SLC6A4: variants seen among roughly 807,000 people sequenced by gnomAD.
SLC6A4 encodes sodium-dependent serotonin transporter.
Under a neutral mutation model 73.4 loss-of-function variants are expected in SLC6A4, and 22 were observed. The observed-to-expected ratio is 0.30, with a 90% CI of 0.21 to 0.43. The LOEUF is 0.43. Among genes scored for constraint, SLC6A4 ranks in the 20% least tolerant of loss-of-function variants. The pLI is 1.00. For synonymous variants in SLC6A4, 270 were observed against 315.5 expected, an observed-to-expected ratio of 0.86 and a Z score of 1.53; for missense variants, 593 against 808.5, an observed-to-expected ratio of 0.73 and a Z score of 3.23.
chr17:30,218,018 G>A, intron 5 of SLC6A4, 100 bp downstream of exon 5: 2 of 852,608 alleles, frequency 2.3e-6, no homozygotes, highest in East Asian at 2.5e-5. Flanking sequence ...CTCTCAGAAA[G>A]GGGTGAGGAG....
intron 3 of SLC6A4, among the ~76,000 whole-genome samples, chr17:30,220,019 G>T (rs1192352353): frequency 2.0e-5 from 3 of 152,172 alleles, no homozygotes; most frequent in African/African-American, 7.2e-5. Flanking sequence ...CTTACATAAT[G>T]CCCAGGCTAA....
chr17:30,201,964 CGCTTGTAGTCCCA>C (rs1427545318), intron 14 of SLC6A4, among the ~76,000 whole-genome samples: 1 of 152,040 alleles, frequency 6.6e-6, no homozygotes, highest in East Asian at 1.9e-4. Context: ...TTTAGCCAGG[CGCTTGTAGTCCCA>C]GCTAGTCAGG....
intron 14 of SLC6A4, among the ~76,000 whole-genome samples, chr17:30,199,332 G>A (rs1189906064): frequency 6.6e-6 from 1 of 151,432 alleles, no homozygotes; most frequent in African/African-American, 2.4e-5. Context: ...AAAAAAAACA[G>A]CCACACTGCA....
intron 1 of SLC6A4, among the ~76,000 whole-genome samples, chr17:30,234,471 C>T (rs559948032): frequency 1.3e-5 from 2 of 152,170 alleles, no homozygotes; most frequent in African/African-American, 2.4e-5. Context: ...CCCCAGAGTG[C>T]GTGGCAGGAA....
chr17:30,216,566 C>T (rs768616434), intron 6 of SLC6A4, among the ~76,000 whole-genome samples: 3 of 150,862 alleles, frequency 2.0e-5, no homozygotes, highest in East Asian at 1.9e-4. Flanking sequence ...GTCATTGCCA[C>T]GATTATTAAT....
At chr17:30,218,967 A>G (rs560973052) in intron 3 of SLC6A4, 36 bp from the exon 4 acceptor site, 2 of 1,612,610 alleles carry the variant, frequency 1.2e-6, no homozygotes, top group East Asian at 4.5e-5. Flanking sequence ...CTCCCTGCCC[A>G]CGTCTGTCCC....
At chr17:30,201,774 CTG>C (rs1298105681) in intron 14 of SLC6A4, among the ~76,000 whole-genome samples, 4 of 152,130 alleles carry the variant, frequency 2.6e-5, no homozygotes, top group Non-Finnish European at 5.9e-5. Context: ...TACAGTTTTC[CTG>C]TTTCAAAAAA....
In SLC6A4 at chr17:30,221,901, C is replaced by T; in HGVS notation, c.58G>A (p.Asp20Asn). Residue 20 changes from aspartate (D) to asparagine (N), a missense_variant, in exon 3 of 15, where the codon GAT becomes AAT. Asp to Asn is a conservative substitution (Grantham distance 23). Transcript: ENST00000650711. ...TGTAGAACTCCGTTTTCCTGACAAT[C>T]TTCTCCATCTTCACACGCTGATAGC... ...KQLSACEDGE[D>N]CQENGVLQKV... 1.2e-6 allele frequency: 2 copies of T among 1,614,180 alleles called. No individual in the cohort carries two copies. The highest frequency in any genetic ancestry group is 1.7e-6 in the Non-Finnish European group (2 of 1,180,032).
At chr17:30,217,438 A>C in intron 5 of SLC6A4, 134 bp from the exon 6 acceptor site, 1 of 843,140 alleles carries the variant, frequency 1.2e-6, no homozygotes, top group Non-Finnish European at 1.8e-6. Flanking sequence ...ACTGAGGCCC[A>C]GGAAGAGCTG....
At chr17:30,213,049 G>A (rs1044480745) in intron 8 of SLC6A4, among the ~76,000 whole-genome samples, 182 bp from the exon 9 acceptor site, 8 of 152,182 alleles carry the variant, frequency 5.3e-5, no homozygotes, top group African/African-American at 1.4e-4. Context: ...CCCAGCTGCC[G>A]AGGCCTGAAG....
At chr17:30,204,139 T>C (rs2143013478) in intron 13 of SLC6A4, among the ~76,000 whole-genome samples, 1 of 152,372 alleles carries the variant, frequency 6.6e-6, no homozygotes, top group East Asian at 1.9e-4. Flanking sequence ...CAACACCCAG[T>C]TTATGAGTTT....
intron 1 of SLC6A4, among the ~76,000 whole-genome samples, chr17:30,231,508 A>C (rs71372212): frequency 6.6e-6 from 1 of 151,622 alleles, no homozygotes; most frequent in Non-Finnish European, 1.5e-5. Flanking sequence ...ATGTATACAT[A>C]CAGATACATA....
At position 30,221,682 on chromosome 17, in the gene SLC6A4, T is replaced by A. The variant is rs1906764352; in HGVS notation, c.277A>T (p.Ile93Phe). ...GKKVDFLLSV[I>F]GYAVDLGNVW... ...TTGCCCAGGTCCACAGCATAGCCAATCACTGAGAGAAGGAAATCCACCTTC... is the reference window on the plus strand; with the variant it reads ...TTGCCCAGGTCCACAGCATAGCCAAACACTGAGAGAAGGAAATCCACCTTC... The change falls in exon 3 of 15, where the codon ATT (isoleucine) becomes TTT (phenylalanine). Residue 93 changes from isoleucine to phenylalanine, a missense_variant. Coordinates refer to ENST00000650711, the MANE Select transcript of SLC6A4 (RefSeq NM_001045.6). The A allele has an allele frequency of 6.2e-7, 1 of 1,614,000 alleles. No individual in the cohort carries two copies.
chr17:30,215,530 C>T (rs922635976), intron 8 of SLC6A4, 81 bp downstream of exon 8: 5 of 1,154,356 alleles, frequency 4.3e-6, no homozygotes, highest in African/African-American at 3.0e-5. Flanking sequence ...TCGAGGCCGT[C>T]GGTCCAATCA....
At chr17:30,200,483 G>A (rs1370224908) in intron 14 of SLC6A4, among the ~76,000 whole-genome samples, 1 of 152,214 alleles carries the variant, frequency 6.6e-6, no homozygotes, top group Admixed American at 6.5e-5. Flanking sequence ...CCAACCGCAA[G>A]ACTTCCAGAC....
At chr17:30,204,366 G>C (rs1380102277) in intron 13 of SLC6A4, 7 of 151,998 alleles carry the variant, frequency 4.6e-5, no homozygotes, top group African/African-American at 1.7e-4. Flanking sequence ...TCTGAGCGGT[G>C]CTATCTTAAG....
At chr17:30,215,963 C>A in intron 7 of SLC6A4, 119 bp downstream of exon 7, 1 of 909,548 alleles carries the variant, frequency 1.1e-6, no homozygotes. Context: ...GTTAAAGTAT[C>A]ATTGCAGACT....
Position 30,205,577 on chromosome 17 carries a change from T to C in SLC6A4, c.1650+2155A>G, listed in dbSNP as rs542247855. Among the ~76,000 whole-genome samples, 4 of 152,290 alleles carry C rather than the reference T, an allele frequency of 2.6e-5. No homozygotes were observed. The South Asian group carries it at 6.2e-4, about 24-fold the overall frequency. On this transcript the variant is annotated intron_variant, in intron 13 of 14. Coordinates refer to ENST00000650711, the MANE Select transcript of SLC6A4 (RefSeq NM_001045.6). The stretch of plus-strand genomic sequence containing the variant: ...TTTAAAAACACACGCATTTTAAATG[T>C]GCCTAAATGCATCAGCAAGCTGATA...
chr17:30,221,192 G>C (rs1046464265), intron 3 of SLC6A4, among the ~76,000 whole-genome samples: 3 of 151,768 alleles, frequency 2.0e-5, no homozygotes, highest in Non-Finnish European at 4.4e-5. Context: ...GGTCAGGCTG[G>C]TCTTGAACTC....
Sources: allele counts gnomAD v4.1 joint callset (sites outside exome capture counted in the v4.1 genomes callset), GRCh38; gene constraint gnomAD v4.1.1; transcripts MANE v1.5; gene names NCBI Gene and HGNC (gene_info 2026-07-23, HGNC 2026-07-21).